The following ZNF860 variants were observed in gnomAD, a reference collection of about 807,000 sequenced individuals.
The protein encoded by ZNF860 is zinc finger protein 860.
For synonymous variants in ZNF860, 206 were observed against 248.9 expected, an observed-to-expected ratio of 0.83 and a Z score of 1.62; for missense variants, 641 against 759.2, an observed-to-expected ratio of 0.84 and a Z score of 1.83.
rs769255365 is a variant in ZNF860, at chr3:31,989,370, T to C, written c.291T>C (p.Ile97=). ...GTLERHESHH[I]GDFCFQKIGK... ...TAGAAAGACATGAAAGTCATCACATTGGAGATTTTTGCTTCCAGAAAATTG... is the reference window on the plus strand; with the variant it reads ...TAGAAAGACATGAAAGTCATCACATCGGAGATTTTTGCTTCCAGAAAATTG... Residue 97 remains isoleucine (I), a synonymous_variant, in exon 2 of 2, where the codon ATT becomes ATC. Transcript: ENST00000360311. The C allele has an allele frequency of 1.2e-6, 2 of 1,614,162 alleles. No individual in the cohort carries two copies. The highest frequency in any genetic ancestry group is 1.7e-6 in the Non-Finnish European group (2 of 1,180,008).
At chr3:31,999,564 T>G in the ZNF860 span, among the ~76,000 whole-genome samples, 1 of 152,006 alleles carries the variant, frequency 6.6e-6, no homozygotes, top group African/African-American at 2.4e-5. Context: ...TTCTCCATGT[T>G]TTTTTAGGCT....
downstream of ZNF860, among the ~76,000 whole-genome samples, chr3:31,992,632 G>T (rs1056966999): frequency 1.2e-4 from 18 of 152,158 alleles, no homozygotes; most frequent in African/African-American, 4.3e-4. Flanking sequence ...GGACCCTTGT[G>T]ATTACATTGA....
chr3:32,003,555 A>C, the ZNF860 span, among the ~76,000 whole-genome samples: 1 of 152,220 alleles, frequency 6.6e-6, no homozygotes, highest in East Asian at 1.9e-4. Context: ...ATGAAGAAAC[A>C]GGGTGTTTCT....
At chr3:32,003,253 A>G in the ZNF860 span, among the ~76,000 whole-genome samples, 121 of 152,370 alleles carry the variant, frequency 7.9e-4, no homozygotes, top group Non-Finnish European at 1.4e-3. Flanking sequence ...AGCACAGGTC[A>G]CTGGGAGTAT....
chr3:31,990,212 C>T lies in ZNF860; in HGVS notation c.1133C>T (p.Ala378Val). ...TACAAGTGTAATGAGTGTGGCAAAGCCTTTAGTGGGCAGTCAACACTTATT... is the reference window on the plus strand; with the variant it reads ...TACAAGTGTAATGAGTGTGGCAAAGTCTTTAGTGGGCAGTCAACACTTATT... ...KPYKCNECGKAFSGQSTLIHH... is the reference protein window; with the variant it reads ...KPYKCNECGKVFSGQSTLIHH... The change falls in exon 2 of 2, where the codon GCC (alanine) becomes GTC (valine). Residue 378 changes from alanine (A) to valine (V), a missense_variant. Transcript: ENST00000360311. 3.1e-6 allele frequency: 5 copies of T among 1,613,920 alleles called. No individual in the cohort carries two copies. Among genetic ancestry groups the T allele is most frequent in the Non-Finnish European group, 4.2e-6 (5 of 1,179,904 alleles).
chr3:31,986,555 C>T (rs1215736029), intron 1 of ZNF860: 1 of 152,040 alleles, frequency 6.6e-6, no homozygotes, highest in African/African-American at 2.4e-5. Context: ...ACCATCCTGG[C>T]TAACACAGTG....
chr3:31,982,837 C>T (rs1698877528), intron 1 of ZNF860, among the ~76,000 whole-genome samples: 1 of 152,176 alleles, frequency 6.6e-6, no homozygotes. Context: ...TATTTACTGC[C>T]GCTTCCTATG....
At chr3:32,003,733 G>A in the ZNF860 span, among the ~76,000 whole-genome samples, 2 of 152,164 alleles carry the variant, frequency 1.3e-5, no homozygotes, top group African/African-American at 2.4e-5. Flanking sequence ...CGGAGGTCAT[G>A]TAGCTCTGCA....
chr3:31,987,738 A>G lies in ZNF860; in HGVS notation c.-420-922A>G, dbSNP rs28497143. On this transcript the variant is annotated intron_variant, in intron 1 of 1. Coordinates refer to ENST00000360311, the MANE Select transcript of ZNF860 (RefSeq NM_001137674.3). ...CCTGAAGCCTAGTCTGGGAACTGGT[A>G]TAATGTCACTTTGCCACATTTCAAC... Among the ~76,000 whole-genome samples the G allele has an allele frequency of 2.9e-3, 445 of 152,356 alleles. 2 individuals carry two copies. The highest frequency in any genetic ancestry group is 0.01 in the African/African-American group (417 of 41,596).
At chr3:31,982,662 A>T (rs1698874019) in intron 1 of ZNF860, among the ~76,000 whole-genome samples, 1 of 151,796 alleles carries the variant, frequency 6.6e-6, no homozygotes, top group African/African-American at 2.4e-5. Context: ...AAAAAAAAAA[A>T]ATCTGAAAAG....
chr3:31,996,944 C>T, the ZNF860 span, among the ~76,000 whole-genome samples: 8 of 152,082 alleles, frequency 5.3e-5, no homozygotes, highest in Non-Finnish European at 1.0e-4. Flanking sequence ...CAGAAGGCTC[C>T]CCACTCACAA....
chr3:31,997,510 G>T, the ZNF860 span, among the ~76,000 whole-genome samples: 40 of 151,926 alleles, frequency 2.6e-4, no homozygotes, highest in Admixed American at 1.9e-3. Flanking sequence ...TGATCTGCCC[G>T]CTTCAGCCTC....
chr3:31,989,844 G>A lies in ZNF860; in HGVS notation c.765G>A (p.Gly255=), dbSNP rs1204601827. The A allele has an allele frequency of 1.9e-6, 3 of 1,613,978 alleles. No homozygotes were observed. The highest frequency in any genetic ancestry group is 2.5e-6 in the Non-Finnish European group (3 of 1,180,014). The part of the protein sequence containing the change: ...LRKHQIIYLG[G]KQYKCDVCGK... ...AACATCAGATAATCTATTTAGGAGG[G>A]AAACAATATAAATGTGATGTATGTG... Residue 255 remains glycine, a synonymous_variant, in exon 2 of 2, where the codon GGG becomes GGA. Coordinates refer to ENST00000360311, the MANE Select transcript of ZNF860 (RefSeq NM_001137674.3).
Position 31,988,979 on chromosome 3 carries a change from T to G in ZNF860, c.-101T>G, listed in dbSNP as rs963814909. On this transcript the variant is annotated 5_prime_UTR_variant, in exon 2 of 2. Coordinates refer to ENST00000360311, the MANE Select transcript of ZNF860 (RefSeq NM_001137674.3). ...TGTTTGTTGCCTTAAGCCACGAAGT[T>G]TGTGATAATTTGTTTCTCGGAAACA... 3.3e-6 allele frequency: 5 copies of G among 1,493,330 alleles called. No homozygotes were observed. In the African/African-American group the frequency reaches 7.0e-5, roughly 21 times the overall value. 92.5% of individuals were successfully genotyped at this position (1,493,330 alleles called of 1,614,324 possible).
chr3:31,991,243 T>A lies in ZNF860; in HGVS notation c.*265T>A, dbSNP rs1319677040. On this transcript the variant is annotated 3_prime_UTR_variant, in exon 2 of 2. Coordinates refer to ENST00000360311, the MANE Select transcript of ZNF860 (RefSeq NM_001137674.3). ...GATAGATCACTTGAGGTCAGGAGTT[T>A]GAGACCATCCTGGCCAAAAGACGTG... 2.5e-6 allele frequency: 1 copy of A among 403,464 alleles called. No individual in the cohort carries two copies. Among genetic ancestry groups the A allele is most frequent in the Non-Finnish European group, 4.6e-6 (1 of 219,456 alleles). 25.0% of individuals were successfully genotyped at this position (403,464 alleles called of 1,614,324 possible).
At chr3:32,003,213 G>C in the ZNF860 span, among the ~76,000 whole-genome samples, 5 of 152,194 alleles carry the variant, frequency 3.3e-5, no homozygotes, top group Admixed American at 3.3e-4. Context: ...TCAGAACTTA[G>C]ACCAAACTCT....
intron 1 of ZNF860, among the ~76,000 whole-genome samples, chr3:31,987,161 C>T (rs986177422): frequency 6.6e-6 from 1 of 152,014 alleles, no homozygotes; most frequent in Admixed American, 6.6e-5. Flanking sequence ...TCCCTTCGTC[C>T]AGACACTCTT....
At chr3:31,986,788 A>G (rs1268411704) in intron 1 of ZNF860, among the ~76,000 whole-genome samples, 3 of 152,052 alleles carry the variant, frequency 2.0e-5, no homozygotes, top group African/African-American at 7.2e-5. Context: ...AGATGGGAGG[A>G]TTGCCCAGGA....
rs201681180 is a variant in ZNF860, at chr3:31,989,703, A to G, written c.624A>G (p.Glu208=). The change falls in exon 2 of 2, where the codon GAA becomes GAG. Residue 208 remains glutamate, a synonymous_variant. Coordinates refer to ENST00000360311, the MANE Select transcript of ZNF860 (RefSeq NM_001137674.3). The stretch of plus-strand genomic sequence containing the variant: ...AAATCCATATTTCTAATAACTATGA[A>G]AATAATTTCTTCCATTCATCATTAC... ...RPKIHISNNY[E]NNFFHSSLLT... 37 of 1,613,838 alleles carry G rather than the reference A, an allele frequency of 2.3e-5. No homozygotes were observed. The African/African-American group carries it at 3.6e-4, about 16-fold the overall frequency.
Sources: allele counts gnomAD v4.1 joint callset (sites outside exome capture counted in the v4.1 genomes callset), GRCh38; gene constraint gnomAD v4.1.1; transcripts MANE v1.5; gene names NCBI Gene and HGNC (gene_info 2026-07-23, HGNC 2026-07-21).